NXPE2: variants seen among roughly 807,000 people sequenced by gnomAD.
The protein encoded by NXPE2 is NXPE family member 2.
Under a neutral mutation model 34.4 loss-of-function variants are expected in NXPE2, and 34 were observed. That is an observed-to-expected ratio of 0.99 (90% CI 0.75 to 1.31). The LOEUF (loss-of-function observed/expected upper bound fraction) is 1.31, where lower values mean the gene tolerates loss of function less well. Ranked by LOEUF, NXPE2 falls within the 40% of genes most tolerant of loss-of-function variation. The pLI is 0.00. For synonymous variants in NXPE2, 235 were observed against 231.3 expected, an observed-to-expected ratio of 1.02 and a Z score of -0.15; for missense variants, 649 against 672.5, an observed-to-expected ratio of 0.97 and a Z score of 0.39.
At chr11:114,517,983 G>A in the NXPE2 span, 1 of 152,508 alleles carries the variant, frequency 6.6e-6, no homozygotes, top group Non-Finnish European at 1.5e-5. Context: ...GCTGGGAACA[G>A]GTTCACAAGG....
the NXPE2 span, among the ~76,000 whole-genome samples, chr11:114,743,679 G>C: frequency 1.3e-5 from 2 of 152,024 alleles, no homozygotes; most frequent in African/African-American, 2.4e-5. Context: ...AATAGCGGAA[G>C]TGGGAAGAGA....
chr11:114,494,452 T>C, the NXPE2 span, among the ~76,000 whole-genome samples: 14 of 152,184 alleles, frequency 9.2e-5, no homozygotes, highest in African/African-American at 3.1e-4. Context: ...AACTCACTAA[T>C]TCTTTCTTCT....
chr11:114,575,101 G>A, the NXPE2 span, among the ~76,000 whole-genome samples: 43 of 151,964 alleles, frequency 2.8e-4, no homozygotes, highest in Admixed American at 6.6e-4. Context: ...TCACATCATC[G>A]TCTCAGCAGA....
the NXPE2 span, among the ~76,000 whole-genome samples, chr11:114,598,992 AT>A: frequency 6.6e-6 from 1 of 152,142 alleles, no homozygotes; most frequent in Non-Finnish European, 1.5e-5. Context: ...TCTTTTTACC[AT>A]ATGGCCAGGC....
the NXPE2 span, among the ~76,000 whole-genome samples, chr11:114,798,515 C>G: frequency 3.9e-5 from 6 of 152,284 alleles, no homozygotes; most frequent in African/African-American, 1.4e-4. Context: ...TCCTCAGTAG[C>G]TGGGATTACA....
chr11:114,564,937 A>C, the NXPE2 span, among the ~76,000 whole-genome samples: 2 of 152,206 alleles, frequency 1.3e-5, no homozygotes, highest in East Asian at 3.9e-4. Context: ...TTGGATAATG[A>C]ATACTTTCCA....
chr11:114,807,744 G>C, the NXPE2 span, among the ~76,000 whole-genome samples: 5 of 151,664 alleles, frequency 3.3e-5, no homozygotes, highest in African/African-American at 7.3e-5. Flanking sequence ...ATAATAATGG[G>C]AGACTTTAAC....
At chr11:114,561,818 T>A in the NXPE2 span, among the ~76,000 whole-genome samples, 5 of 152,234 alleles carry the variant, frequency 3.3e-5, no homozygotes, top group Non-Finnish European at 7.3e-5. Context: ...AGATCTAATA[T>A]CTGTTAACTT....
the NXPE2 span, among the ~76,000 whole-genome samples, chr11:114,590,371 G>A: frequency 6.6e-6 from 1 of 152,150 alleles, no homozygotes; most frequent in Non-Finnish European, 1.5e-5. Flanking sequence ...AAAGAATTAA[G>A]CCCATTTCCT....
At chr11:114,523,911 T>C in the NXPE2 span, among the ~76,000 whole-genome samples, 2 of 152,250 alleles carry the variant, frequency 1.3e-5, 1 homozygote, top group Middle Eastern at 6.3e-3. Context: ...GTTTGAATGC[T>C]GTAAGAAAGA....
At chr11:114,536,440 G>T in the NXPE2 span, among the ~76,000 whole-genome samples, 1 of 152,046 alleles carries the variant, frequency 6.6e-6, no homozygotes, top group Non-Finnish European at 1.5e-5. Flanking sequence ...ATCAGAGCAG[G>T]ACTGAAGGAA....
the NXPE2 span, among the ~76,000 whole-genome samples, chr11:114,612,399 CCACTGTTACCCGGTGGATAATA>C: frequency 1.3e-5 from 2 of 151,892 alleles, no homozygotes; most frequent in Non-Finnish European, 2.9e-5. Flanking sequence ...TCATGTCTAA[CCACTGTTACCCGGTGGATAATA>C]AGTGTTGCCT....
chr11:114,640,355 T>C, the NXPE2 span, among the ~76,000 whole-genome samples: 2 of 149,522 alleles, frequency 1.3e-5, no homozygotes, highest in Non-Finnish European at 3.0e-5. Context: ...AAATGTAGCA[T>C]ATATATGCTA....
the NXPE2 span, chr11:114,552,063 G>A: frequency 6.6e-6 from 1 of 152,196 alleles, no homozygotes; most frequent in African/African-American, 2.4e-5. Flanking sequence ...TTTTGAATCT[G>A]GATGCGCAGA....
At chr11:114,677,122 GA>G (rs1166194830), upstream of NXPE2, among the ~76,000 whole-genome samples, 19 of 152,164 alleles carry the variant, frequency 1.2e-4, no homozygotes, top group Middle Eastern at 3.4e-3. Flanking sequence ...TGGTCAGGGA[GA>G]GGGGCAAATA....
chr11:114,639,564 C>T, the NXPE2 span, among the ~76,000 whole-genome samples: 2 of 150,872 alleles, frequency 1.3e-5, no homozygotes, highest in Non-Finnish European at 2.9e-5. Flanking sequence ...CTGCATCGCT[C>T]AGGCCGGGAG....
the NXPE2 span, among the ~76,000 whole-genome samples, chr11:114,793,107 T>A: frequency 1.3e-5 from 2 of 152,158 alleles, no homozygotes; most frequent in Non-Finnish European, 2.9e-5. Flanking sequence ...ACAGAACAGG[T>A]CCACATCCAT....
At chr11:114,483,539 C>T in the NXPE2 span, among the ~76,000 whole-genome samples, 1 of 152,186 alleles carries the variant, frequency 6.6e-6, no homozygotes, top group Non-Finnish European at 1.5e-5. Flanking sequence ...AACACATGGT[C>T]GCTGTTCTTA....
At chr11:114,582,073 A>G in the NXPE2 span, among the ~76,000 whole-genome samples, 11 of 152,154 alleles carry the variant, frequency 7.2e-5, no homozygotes, top group African/African-American at 2.2e-4. Flanking sequence ...TATTCTGTAT[A>G]TATTTTTTTC....
Sources: gnomAD v4.1 joint callset for allele counts (sites outside exome capture counted in the v4.1 genomes callset) on GRCh38, gnomAD v4.1.1 for gene constraint, MANE v1.5 for transcripts, NCBI Gene and HGNC (gene_info 2026-07-23, HGNC 2026-07-21) for gene names.